KCNT2: variants seen among roughly 807,000 people sequenced by gnomAD.
KCNT2 encodes potassium channel subfamily T member 2.
Under a neutral mutation model 153.8 loss-of-function variants are expected in KCNT2, and 67 were observed. The observed-to-expected ratio is 0.44, with a 90% CI of 0.36 to 0.53. The LOEUF (loss-of-function observed/expected upper bound fraction) is 0.53. Ranked by LOEUF, KCNT2 falls within the 20% of genes least tolerant of loss-of-function variation. The pLI is 0.00. For synonymous variants in KCNT2, 500 were observed against 458.8 expected, an observed-to-expected ratio of 1.09 and a Z score of -1.15; for missense variants, 975 against 1,354.8, an observed-to-expected ratio of 0.72 and a Z score of 4.40.
intron 1 of KCNT2, among the ~76,000 whole-genome samples, chr1:196,539,669 C>A (rs919542490): frequency 6.6e-6 from 1 of 151,988 alleles, no homozygotes. Flanking sequence ...AATTGCAACT[C>A]TTATCAATCT....
chr1:196,587,765 G>T (rs1389318110), intron 1 of KCNT2, among the ~76,000 whole-genome samples: 1 of 151,964 alleles, frequency 6.6e-6, no homozygotes, highest in African/African-American at 2.4e-5. Flanking sequence ...CAAACTCTTT[G>T]ATATTTGCTT....
Position 196,332,278 on chromosome 1 carries a change from AT to A in KCNT2, c.1998-1018del, listed in dbSNP as rs199863357. 8.5e-4 allele frequency among the ~76,000 whole-genome samples: 129 copies of A among 152,298 alleles called. 3 individuals are homozygous for A. The East Asian group carries it at 0.023, about 27-fold the overall frequency. On this transcript the variant is annotated intron_variant, in intron 17 of 27. Transcript: ENST00000294725. ...TTCGTTTTTCTAGAAATAAGAAAAAATCTTTTACCTCTCAATTTTTTAAGAA... is the reference window on the plus strand; with the variant it reads ...TTCGTTTTTCTAGAAATAAGAAAAAACTTTTACCTCTCAATTTTTTAAGAA...
chr1:196,269,652 C>T (rs1004315473), intron 25 of KCNT2, among the ~76,000 whole-genome samples: 1 of 151,896 alleles, frequency 6.6e-6, no homozygotes, highest in Non-Finnish European at 1.5e-5. Context: ...TTACTACAGC[C>T]TTTTTTTCCC....
chr1:196,434,535 C>T (rs1036433641), intron 8 of KCNT2, among the ~76,000 whole-genome samples: 8 of 152,072 alleles, frequency 5.3e-5, no homozygotes, highest in Non-Finnish European at 1.0e-4. Flanking sequence ...ACCTCAGGTT[C>T]GAAAAGCTGC....
Position 196,593,687 on chromosome 1 carries a change from A to G in KCNT2, c.95+14528T>C, listed in dbSNP as rs1006740488. On this transcript the variant is annotated intron_variant, in intron 1 of 27. Coordinates refer to ENST00000294725, the MANE Select transcript of KCNT2 (RefSeq NM_198503.5). ...AAATATATACACCTACCATGTACCC[A>G]CAAAAATTAAAAATTTAAAAAACTG... 1.6e-4 allele frequency among the ~76,000 whole-genome samples: 25 copies of G among 152,152 alleles called. No individual in the cohort carries two copies. In the Middle Eastern group the frequency reaches 0.017, roughly 104 times the overall value.
rs748615136 is a variant in KCNT2 at position 196,315,960 on chromosome 1, G to A, written c.2415C>T (p.Ser805=). 1.2e-6 allele frequency: 2 copies of A among 1,609,962 alleles called. No individual in the cohort carries two copies. Among genetic ancestry groups the A allele is most frequent in the South Asian group, 1.1e-5 (1 of 90,926 alleles). Residue 805 remains serine, a synonymous_variant, in exon 21 of 28, where the codon AGC becomes AGT. Coordinates refer to ENST00000294725, the MANE Select transcript of KCNT2 (RefSeq NM_198503.5). ...TGTAGTCTTCCTCGGCACTCATGGT[G>A]CTCTCTTTATCCACAACCACCATAT... The part of the protein sequence containing the change: ...AANMVVVDKE[S]TMSAEEDYMA...
chr1:196,542,404 C>T (rs1656503397), intron 1 of KCNT2, among the ~76,000 whole-genome samples: 1 of 152,048 alleles, frequency 6.6e-6, no homozygotes. Flanking sequence ...GAAGTAAAAG[C>T]TTAAATATTT....
intron 13 of KCNT2, among the ~76,000 whole-genome samples, chr1:196,378,833 T>C (rs1436004164): frequency 6.8e-6 from 1 of 147,914 alleles, no homozygotes; most frequent in Non-Finnish European, 1.5e-5. Flanking sequence ...ATATTATATA[T>C]ATATAATGTT....
chr1:196,441,473 C>G (rs1391690286), intron 8 of KCNT2, among the ~76,000 whole-genome samples: 1 of 150,222 alleles, frequency 6.7e-6, no homozygotes, highest in African/African-American at 2.4e-5. Flanking sequence ...GAAGAATCAC[C>G]AAGGTGTGAG....
chr1:196,271,849 A>G (rs1658092858), intron 25 of KCNT2, among the ~76,000 whole-genome samples: 1 of 151,940 alleles, frequency 6.6e-6, no homozygotes, highest in Non-Finnish European at 1.5e-5. Flanking sequence ...TACATATTTT[A>G]TTTATAACTT....
At chr1:196,494,147 A>G (rs1288222489) in intron 1 of KCNT2, among the ~76,000 whole-genome samples, 1 of 152,196 alleles carries the variant, frequency 6.6e-6, no homozygotes, top group Non-Finnish European at 1.5e-5. Context: ...GCATTATTGG[A>G]CGTGTTTCCC....
At chr1:196,255,923 A>G (rs1656444866) in intron 26 of KCNT2, among the ~76,000 whole-genome samples, 1 of 151,906 alleles carries the variant, frequency 6.6e-6, no homozygotes, top group Admixed American at 6.6e-5. Context: ...ATAGTGCTAT[A>G]CAGTTGCAGA....
At chr1:196,548,923 C>T (rs1657505155) in intron 1 of KCNT2, among the ~76,000 whole-genome samples, 1 of 149,888 alleles carries the variant, frequency 6.7e-6, no homozygotes, top group African/African-American at 2.5e-5. Context: ...CCAAACACCG[C>T]ATAGTCTCAC....
chr1:196,396,277 T>C (rs1670929732), intron 13 of KCNT2, among the ~76,000 whole-genome samples: 1 of 151,726 alleles, frequency 6.6e-6, no homozygotes, highest in Admixed American at 6.6e-5. Context: ...TTAGCTTCTG[T>C]TGTTACACAG....
At chr1:196,335,503 A>C (rs145661715) in intron 16 of KCNT2, among the ~76,000 whole-genome samples, 8 of 152,286 alleles carry the variant, frequency 5.3e-5, no homozygotes, top group African/African-American at 1.4e-4. Context: ...ACACAATGGT[A>C]ATCTCAATAT....
chr1:196,553,570 G>T (rs1386127502), intron 1 of KCNT2, among the ~76,000 whole-genome samples: 1 of 150,782 alleles, frequency 6.6e-6, no homozygotes, highest in African/African-American at 2.4e-5. Flanking sequence ...TTTCAGCATA[G>T]GACAGACCTC....
chr1:196,496,972 C>A (rs1319301959), intron 1 of KCNT2, among the ~76,000 whole-genome samples: 3 of 152,136 alleles, frequency 2.0e-5, no homozygotes, highest in Admixed American at 6.5e-5. Context: ...TATAACAAAA[C>A]AATGTTGAAT....
chr1:196,471,373 A>G (rs191995354), intron 5 of KCNT2, among the ~76,000 whole-genome samples: 1 of 152,290 alleles, frequency 6.6e-6, no homozygotes, highest in Admixed American at 6.5e-5. Context: ...CTGAATCAGG[A>G]CTATTTAACA....
chr1:196,576,718 A>T (rs559977395), intron 1 of KCNT2, among the ~76,000 whole-genome samples: 1 of 152,182 alleles, frequency 6.6e-6, no homozygotes, highest in African/African-American at 2.4e-5. Flanking sequence ...GCTGTATTTA[A>T]ATATGTATGT....
Sources: gnomAD v4.1 joint callset for allele counts (sites outside exome capture counted in the v4.1 genomes callset) on GRCh38, gnomAD v4.1.1 for gene constraint, MANE v1.5 for transcripts, NCBI Gene and HGNC (gene_info 2026-07-23, HGNC 2026-07-21) for gene names.